TECRL: variants seen among roughly 807,000 people sequenced by gnomAD.
TECRL encodes the protein trans-2,3-enoyl-CoA reductase like.
A neutral mutation model predicts 52.8 loss-of-function variants in TECRL; 63 were observed. That is an observed-to-expected ratio of 1.19 (90% CI 0.97 to 1.47). The LOEUF is 1.47. TECRL is among the 40% of genes most tolerant of loss of function. TECRL has a pLI of 0.00. For missense variants in TECRL, 482 were observed against 429.6 expected, an observed-to-expected ratio of 1.12 and a Z score of -1.08; for synonymous variants, 164 against 141.9, an observed-to-expected ratio of 1.16 and a Z score of -1.10.
At chr4:64,354,955 AAAG>A (rs1277218573) in intron 2 of TECRL, among the ~76,000 whole-genome samples, 1 of 152,188 alleles carries the variant, frequency 6.6e-6, no homozygotes, top group African/African-American at 2.4e-5. Context: ...CCTTTAGTAA[AAAG>A]AACCATGATA....
At chr4:64,371,205 C>T (rs1256410664) in intron 2 of TECRL, among the ~76,000 whole-genome samples, 2 of 151,096 alleles carry the variant, frequency 1.3e-5, no homozygotes, top group Non-Finnish European at 3.0e-5. Flanking sequence ...AATAATAATA[C>T]ATAATTATTT....
chr4:64,387,344 C>A (rs913420047), intron 1 of TECRL, among the ~76,000 whole-genome samples: 3 of 152,078 alleles, frequency 2.0e-5, no homozygotes, highest in Non-Finnish European at 4.4e-5. Flanking sequence ...CAAGTACTGG[C>A]AATTGTGGAT....
At chr4:64,366,617 T>A (rs556814305) in intron 2 of TECRL, among the ~76,000 whole-genome samples, 1 of 151,784 alleles carries the variant, frequency 6.6e-6, no homozygotes, top group Non-Finnish European at 1.5e-5. Flanking sequence ...TTAATAGACA[T>A]GTAAAAGATG....
intron 9 of TECRL, among the ~76,000 whole-genome samples, chr4:64,288,517 GTGT>G (rs1467326501): frequency 2.6e-5 from 4 of 152,222 alleles, no homozygotes; most frequent in Non-Finnish European, 5.9e-5. Flanking sequence ...TCATTTTGAA[GTGT>G]TGTCTTTTCT....
At chr4:64,314,858 G>A in intron 4 of TECRL, 95 bp from the exon 5 acceptor site, 2 of 829,968 alleles carry the variant, frequency 2.4e-6, no homozygotes, top group Non-Finnish European at 2.0e-6. Flanking sequence ...ATAAATTGGT[G>A]AAACAGGTAG....
chr4:64,386,168 T>C (rs1723166416), intron 1 of TECRL, among the ~76,000 whole-genome samples: 1 of 152,140 alleles, frequency 6.6e-6, no homozygotes, highest in South Asian at 2.1e-4. Context: ...ACCAATAACA[T>C]AGAATCAATT....
At chr4:64,284,789 T>C (rs1054040791) in intron 9 of TECRL, among the ~76,000 whole-genome samples, 2 of 152,028 alleles carry the variant, frequency 1.3e-5, no homozygotes, top group Non-Finnish European at 2.9e-5. Flanking sequence ...ACAAAATAAA[T>C]TATAGATGAA....
chr4:64,324,121 CATAAGAT>C (rs1420423130), intron 3 of TECRL, among the ~76,000 whole-genome samples: 1 of 151,836 alleles, frequency 6.6e-6, no homozygotes, highest in Non-Finnish European at 1.5e-5. Context: ...AGGAGCTACT[CATAAGAT>C]AGAGGTAAAA....
At chr4:64,308,384 C>T (rs1202166165) in intron 6 of TECRL, among the ~76,000 whole-genome samples, 1 of 152,148 alleles carries the variant, frequency 6.6e-6, no homozygotes, top group African/African-American at 2.4e-5. Context: ...TCAGCTTCCC[C>T]CCTCCACAGG....
intron 1 of TECRL, among the ~76,000 whole-genome samples, chr4:64,388,992 T>C (rs1250353630): frequency 1.3e-5 from 2 of 151,892 alleles, no homozygotes; most frequent in African/African-American, 4.8e-5. Context: ...GTTCTTTCTG[T>C]TTTCTTTTAC....
chr4:64,314,523 C>T (rs1012472188), intron 5 of TECRL, 125 bp downstream of exon 5: 7 of 686,760 alleles, frequency 1.0e-5, no homozygotes, highest in African/African-American at 5.4e-5. Context: ...CCACTTCAAT[C>T]GCGTTTAGTA....
chr4:64,330,023 A>G (rs1220379882), intron 2 of TECRL, among the ~76,000 whole-genome samples: 1 of 151,132 alleles, frequency 6.6e-6, no homozygotes, highest in Admixed American at 6.6e-5. Context: ...TTACTGTACT[A>G]TTGAGGAAAG....
chr4:64,315,401 G>A (rs1484311435), intron 4 of TECRL, among the ~76,000 whole-genome samples: 1 of 152,070 alleles, frequency 6.6e-6, no homozygotes, highest in Non-Finnish European at 1.5e-5. Flanking sequence ...GAAAAAAGAC[G>A]AAGTGATTGC....
intron 2 of TECRL, among the ~76,000 whole-genome samples, chr4:64,361,024 G>C (rs1721150185): frequency 6.6e-6 from 1 of 152,108 alleles, no homozygotes; most frequent in Middle Eastern, 3.2e-3. Flanking sequence ...GGACTAGACA[G>C]AGCGGGGTGG....
intron 2 of TECRL, among the ~76,000 whole-genome samples, chr4:64,356,398 C>T (rs1167691796): frequency 6.6e-6 from 1 of 152,064 alleles, no homozygotes; most frequent in South Asian, 2.1e-4. Context: ...CTGAATGTCT[C>T]GGTATAAAAC....
At chr4:64,281,419 T>C (rs1221250162) in intron 10 of TECRL, 55 bp downstream of exon 10, 1 of 1,041,726 alleles carries the variant, frequency 9.6e-7, no homozygotes, top group Non-Finnish European at 1.4e-6. Flanking sequence ...CATAAGCACA[T>C]GCATTTAGTA....
Position 64,280,138 on chromosome 4 carries a change from C to T in TECRL, c.1026G>A (p.Lys342=). 6.2e-7 allele frequency: 1 copy of T among 1,602,952 alleles called. No homozygotes were observed. The highest frequency in any genetic ancestry group is 8.5e-7 in the Non-Finnish European group (1 of 1,175,180). ...ATGAATTGAATTTTCTCAGATAAAT[C>T]TTATGTTTCTTTTGTGCCCACAAAG... ...QMSLWAQKKH[K]IYLRKFNSYI... is the part of the protein sequence containing the mutation. The change falls in exon 12 of 12, where the codon AAG becomes AAA. Residue 342 remains lysine, a synonymous_variant. Coordinates refer to ENST00000381210, the MANE Select transcript of TECRL (RefSeq NM_001010874.5).
At chr4:64,340,452 T>A (rs1268320465) in intron 2 of TECRL, among the ~76,000 whole-genome samples, 5 of 152,164 alleles carry the variant, frequency 3.3e-5, no homozygotes, top group African/African-American at 4.8e-5. Context: ...CCACTCCAAT[T>A]TCAGAGCAAA....
chr4:64,362,323 C>A (rs12502747), intron 2 of TECRL, among the ~76,000 whole-genome samples: 2 of 151,918 alleles, frequency 1.3e-5, no homozygotes, highest in African/African-American at 2.4e-5. Flanking sequence ...TAGAAAGGTC[C>A]ACATGCAAAT....
Sources: gnomAD v4.1 joint callset for allele counts (sites outside exome capture counted in the v4.1 genomes callset) on GRCh38, gnomAD v4.1.1 for gene constraint, MANE v1.5 for transcripts, NCBI Gene and HGNC (gene_info 2026-07-23, HGNC 2026-07-21) for gene names.